PRKDC: variants seen among roughly 807,000 people sequenced by gnomAD.
PRKDC encodes protein kinase, DNA-activated, catalytic subunit.
PRKDC carries 82 observed loss-of-function variants against 486.9 expected under a neutral mutation model. That is an observed-to-expected ratio of 0.17 (90% confidence interval 0.14 to 0.20). The LOEUF is 0.20. Ranked by LOEUF, PRKDC falls within the 10% of genes least tolerant of loss-of-function variation. The pLI is 1.00. For missense variants in PRKDC, 4,504 were observed against 5,038.2 expected (o/e 0.89, Z 3.21); for synonymous variants, 1,895 against 1,837.0 (o/e 1.03, Z -0.81).
At position 47,936,485 on chromosome 8, in the gene PRKDC, G is replaced by C. The variant is rs753284909; in HGVS notation, c.1146C>G (p.Asp382Glu). The C allele has an allele frequency of 6.2e-7, 1 of 1,614,008 alleles. No individual in the cohort carries two copies. The highest frequency in any genetic ancestry group is 8.5e-7 in the Non-Finnish European group (1 of 1,179,898). Reference sequence around the variant, plus strand: ...GCTGAATGAGCTCAACGTACATGAAGTCAACATCTTTTGCGTTTATAACCT... The same window carrying C: ...GCTGAATGAGCTCAACGTACATGAACTCAACATCTTTTGCGTTTATAACCT... ...PCKVINAKDV[D>E]FMYVELIQRC... is the part of the protein sequence containing the mutation. Residue 382 changes from aspartate (D) to glutamate (E), a missense_variant, in exon 12 of 86, where the codon GAC (aspartate) becomes GAG (glutamate). By Grantham distance (45) the Asp-to-Glu change is conservative. This residue lies in a region of PRKDC where 1,969 missense variants were observed against 2,068.9 expected (regional missense o/e 0.95). Coordinates refer to ENST00000314191, the MANE Select transcript of PRKDC (RefSeq NM_006904.7).
intron 54 of PRKDC, among the ~76,000 whole-genome samples, chr8:47,846,619 A>C (rs1231735238): frequency 6.6e-6 from 1 of 151,990 alleles, no homozygotes; most frequent in Non-Finnish European, 1.5e-5. Flanking sequence ...CACTCTCATC[A>C]CTCCTATTCA....
chr8:47,826,569 C>T (rs1273125725), intron 63 of PRKDC, 87 bp downstream of exon 63: 22 of 1,308,432 alleles, frequency 1.7e-5, no homozygotes, highest in Admixed American at 2.6e-5. Context: ...TTTATTAGCT[C>T]ATTTTCTGCC....
At chr8:47,888,707 G>A (rs1430277209) in intron 33 of PRKDC, 57 bp from the exon 34 acceptor site, 3 of 1,485,024 alleles carry the variant, frequency 2.0e-6, no homozygotes, top group Admixed American at 2.6e-5. Flanking sequence ...AAATTATCAA[G>A]ATACACTGAA....
chr8:47,912,296 G>A, intron 25 of PRKDC, 114 bp downstream of exon 25: 2 of 1,187,830 alleles, frequency 1.7e-6, no homozygotes, highest in Non-Finnish European at 2.2e-6. Flanking sequence ...TAGCAGTCAG[G>A]GAGCAGTATC....
intron 54 of PRKDC, among the ~76,000 whole-genome samples, chr8:47,840,726 T>C (rs1411486484): frequency 6.6e-6 from 1 of 152,254 alleles, no homozygotes; most frequent in Admixed American, 6.5e-5. Context: ...ATCTATTTCC[T>C]TATTTTGACT....
chr8:47,798,183 G>T, intron 73 of PRKDC, 54 bp downstream of exon 73: 8 of 1,555,070 alleles, frequency 5.1e-6, no homozygotes, highest in East Asian at 2.3e-5. Context: ...ATAAATAAGC[G>T]TATCTTTAAG....
In PRKDC at chr8:47,782,687, C is replaced by T. The variant is rs112560620; in HGVS notation, c.11176-89G>A. On this transcript the variant is annotated intron_variant, in intron 78 of 85. Transcript: ENST00000314191. The surrounding 1 kb of genome is among the most constrained non-coding windows in gnomAD (Gnocchi z 4.9). ...GCCAGAGTGGCTGTGAGCATTCCTC[C>T]GTGGGGCCGCCCTCTGAAGACAGTG... The T allele has an allele frequency of 6.4e-5, 89 of 1,394,024 alleles. 2 individuals carry two copies. The African/African-American group carries it at 6.8e-4, about 11-fold the overall frequency. 86.4% of individuals were successfully genotyped at this position (1,394,024 alleles called of 1,614,324 possible). A position where few individuals can be genotyped will look rare whatever the true frequency, so the allele number is the denominator to read the frequency against.
At position 47,927,216 on chromosome 8, in the gene PRKDC, G is replaced by A. The variant is rs2090169849; in HGVS notation, c.2397C>T (p.Tyr799=). The change falls in exon 21 of 86, where the codon TAC becomes TAT. Residue 799 remains tyrosine, a synonymous_variant. Coordinates refer to ENST00000314191, the MANE Select transcript of PRKDC (RefSeq NM_006904.7). The part of the protein sequence containing the change: ...YKDILPCLDG[Y]LKTSALSDET... ...TACCTGACAAGGCTGAAGTCTTCAG[G>A]TATCCATCCAGGCAGGGGAGAATGT... 6.2e-7 allele frequency: 1 copy of A among 1,613,548 alleles called. No individual in the cohort carries two copies. Among genetic ancestry groups the A allele is most frequent in the Admixed American group, 1.7e-5 (1 of 59,972 alleles).
chr8:47,884,941 G>A (rs2089295673), intron 36 of PRKDC, among the ~76,000 whole-genome samples: 1 of 152,178 alleles, frequency 6.6e-6, no homozygotes, highest in African/African-American at 2.4e-5. Context: ...GAACAGAGAG[G>A]TCTACCGGGG....
At chr8:47,879,844 T>G (rs1447433686) in intron 38 of PRKDC, among the ~76,000 whole-genome samples, 186 bp from the exon 39 acceptor site, 1 of 143,420 alleles carries the variant, frequency 7.0e-6, no homozygotes, top group Non-Finnish European at 1.5e-5. Context: ...CTTTTTTTTT[T>G]TTTTTTTTTT....
At chr8:47,943,441 A>G in intron 9 of PRKDC, 75 bp from the exon 10 acceptor site, 2 of 1,440,938 alleles carry the variant, frequency 1.4e-6, no homozygotes, top group South Asian at 1.4e-5. Flanking sequence ...ACCTGCAGGG[A>G]TATGTCAAAG....
intron 17 of PRKDC, 108 bp downstream of exon 17, chr8:47,930,564 A>T (rs2090233179): frequency 8.5e-7 from 1 of 1,176,352 alleles, no homozygotes; most frequent in Non-Finnish European, 1.2e-6. Context: ...GAGCCACCGA[A>T]CCCGGCCTAT....
Position 47,834,686 on chromosome 8 carries a change from CTTT to C in PRKDC, c.7952-293_7952-291del, listed in dbSNP as rs1014285595. On this transcript the variant is annotated intron_variant, in intron 58 of 85. Transcript: ENST00000314191. ...ACTGAAAGGTGCTAAGAACCCCTGACTTTTTTTTTTTTTTTTTTTTTTGAGACG... is the reference window on the plus strand; with the variant it reads ...ACTGAAAGGTGCTAAGAACCCCTGACTTTTTTTTTTTTTTTTTTTGAGACG... Among the ~76,000 whole-genome samples, 549 of 96,736 alleles carry C rather than the reference CTTT, an allele frequency of 5.7e-3. 5 individuals are homozygous for C. Among genetic ancestry groups the C allele is most frequent in the South Asian group, 0.035 (112 of 3,172 alleles). 63.5% of individuals were successfully genotyped at this position (96,736 alleles called of 152,430 possible).
chr8:47,888,211 T>G (rs1482640676), intron 34 of PRKDC, among the ~76,000 whole-genome samples: 2 of 152,228 alleles, frequency 1.3e-5, no homozygotes, highest in East Asian at 3.8e-4. Flanking sequence ...TCTTCATTTG[T>G]GTTGTCTTGC....
chr8:47,877,924 TAAAAATATAAAAAGTTTCTTATATAATA>T, intron 39 of PRKDC, 73 bp from the exon 40 acceptor site: 1 of 1,094,014 alleles, frequency 9.1e-7, no homozygotes, highest in Non-Finnish European at 1.2e-6. Context: ...AATTATATAC[TAAAAATATAAAAAGTTTCTTATATAATA>T]AAAAATATAA....
intron 22 of PRKDC, among the ~76,000 whole-genome samples, chr8:47,915,683 A>G (rs983327504): frequency 6.6e-6 from 1 of 152,252 alleles, no homozygotes; most frequent in East Asian, 1.9e-4. Context: ...TAAACCCATT[A>G]CATGTTATAA....
chr8:47,788,298 A>G (rs2086826314), intron 76 of PRKDC, among the ~76,000 whole-genome samples: 1 of 152,240 alleles, frequency 6.6e-6, no homozygotes, highest in African/African-American at 2.4e-5. Flanking sequence ...GGAGAGAAGG[A>G]GCCAAGCAGG....
chr8:47,892,530 C>T (rs1053369480), intron 31 of PRKDC, among the ~76,000 whole-genome samples: 11 of 152,184 alleles, frequency 7.2e-5, no homozygotes, highest in East Asian at 1.9e-4. Context: ...AGTGTCTCGC[C>T]GTGTTGCCCA....
At chr8:47,855,108 T>C in intron 50 of PRKDC, 114 bp downstream of exon 50, 1 of 1,116,086 alleles carries the variant, frequency 9.0e-7, no homozygotes, top group Non-Finnish European at 1.2e-6. Flanking sequence ...AACAATAAAT[T>C]ATTTTCTTCC....
Sources: allele counts gnomAD v4.1 joint callset (sites outside exome capture counted in the v4.1 genomes callset), GRCh38; gene constraint gnomAD v4.1.1; regional missense constraint gnomAD v4.1.1; non-coding constraint Gnocchi (gnomAD v3.1); transcripts MANE v1.5; gene names NCBI Gene and HGNC (gene_info 2026-07-23, HGNC 2026-07-21).